The following PDE12 variants were observed in gnomAD, a reference collection of about 807,000 sequenced individuals.
The protein encoded by PDE12 is 2',5'-phosphodiesterase 12.
Under a neutral mutation model 45.4 loss-of-function variants are expected in PDE12, and 26 were observed. The observed-to-expected ratio is 0.57, with a 90% CI of 0.42 to 0.79. The LOEUF is 0.79. PDE12 is among the 30% of genes least tolerant of loss of function. PDE12 has a pLI of 0.00. For synonymous variants in PDE12, 283 were observed against 323.9 expected (o/e 0.87, Z 1.36); for missense variants, 668 against 790.0 (o/e 0.85, Z 1.85).
the PDE12 span, among the ~76,000 whole-genome samples, chr3:57,639,899 G>C: frequency 6.6e-6 from 1 of 152,060 alleles, no homozygotes; most frequent in Non-Finnish European, 1.5e-5. Context: ...GTATATACCA[G>C]AAGGAATATC....
At chr3:57,605,316 G>C in the PDE12 span, among the ~76,000 whole-genome samples, 2 of 152,146 alleles carry the variant, frequency 1.3e-5, no homozygotes, top group African/African-American at 4.8e-5. Context: ...ATTCAGCAGA[G>C]TAATTATTAG....
Position 57,565,470 on chromosome 3 carries a change from G to A in PDE12, c.*5466G>A, listed in dbSNP as rs2069777696. 6.6e-6 allele frequency: 1 copy of A among 152,086 alleles called. No individual in the cohort carries two copies. Among genetic ancestry groups the A allele is most frequent in the Admixed American group, 6.6e-5 (1 of 15,264 alleles). The allele number at this position is 152,086 out of a possible 1,614,324, so 9.4% of individuals were successfully genotyped here. On this transcript the variant is annotated 3_prime_UTR_variant, in exon 3 of 3. Coordinates refer to ENST00000311180, the MANE Select transcript of PDE12 (RefSeq NM_177966.7). The stretch of plus-strand genomic sequence containing the variant: ...CATTTGTGTTACGAACATTCCAATT[G>A]TACTCTCTCAGTTATTCTAAAATGT...
chr3:57,624,723 C>G, the PDE12 span, among the ~76,000 whole-genome samples: 1 of 151,106 alleles, frequency 6.6e-6, no homozygotes, highest in Middle Eastern at 3.4e-3. Flanking sequence ...GAGATCACAC[C>G]ACTGCACTCC....
At chr3:57,642,527 A>G in the PDE12 span, among the ~76,000 whole-genome samples, 14 of 152,134 alleles carry the variant, frequency 9.2e-5, no homozygotes, top group Admixed American at 8.5e-4. Flanking sequence ...CTGTAGAACT[A>G]CACAGAGTTT....
At chr3:57,594,566 T>A in the PDE12 span, among the ~76,000 whole-genome samples, 13 of 152,262 alleles carry the variant, frequency 8.5e-5, no homozygotes, top group African/African-American at 3.1e-4. Flanking sequence ...CTTTTAAAGT[T>A]ACTTGAACTT....
At chr3:57,630,325 A>G in the PDE12 span, 6 of 1,117,828 alleles carry the variant, frequency 5.4e-6, no homozygotes, top group Non-Finnish European at 6.2e-6. Context: ...TACTATTTAT[A>G]AAGAGTGGAT....
At chr3:57,620,258 C>A in the PDE12 span, among the ~76,000 whole-genome samples, 1 of 151,480 alleles carries the variant, frequency 6.6e-6, no homozygotes, top group South Asian at 2.1e-4. Context: ...CTTTTAAGAT[C>A]AGAAACAAAG....
At chr3:57,607,339 C>T in the PDE12 span, among the ~76,000 whole-genome samples, 3 of 152,098 alleles carry the variant, frequency 2.0e-5, no homozygotes, top group Non-Finnish European at 4.4e-5. Context: ...AGCGCGTCTC[C>T]CCCTCCGAAG....
At chr3:57,628,247 C>T in the PDE12 span, 2 of 1,613,812 alleles carry the variant, frequency 1.2e-6, no homozygotes, top group Non-Finnish European at 1.7e-6. Context: ...GTATGCCTTG[C>T]AAGTCCTCTG....
the PDE12 span, among the ~76,000 whole-genome samples, chr3:57,653,389 GT>G: frequency 6.6e-6 from 1 of 152,082 alleles, no homozygotes; most frequent in African/African-American, 2.4e-5. Flanking sequence ...TATCAAAGTT[GT>G]TTTTTTGGGT....
the PDE12 span, among the ~76,000 whole-genome samples, chr3:57,652,064 T>A: frequency 6.6e-6 from 1 of 151,978 alleles, no homozygotes; most frequent in South Asian, 2.1e-4. Flanking sequence ...TAAAAATAAA[T>A]AAATAAATAA....
chr3:57,635,535 TA>T, the PDE12 span, among the ~76,000 whole-genome samples: 1 of 152,144 alleles, frequency 6.6e-6, no homozygotes, highest in Non-Finnish European at 1.5e-5. Context: ...TAAAAGAACC[TA>T]AGAACTGAAA....
At chr3:57,607,331 C>T in the PDE12 span, among the ~76,000 whole-genome samples, 1 of 152,098 alleles carries the variant, frequency 6.6e-6, no homozygotes, top group Non-Finnish European at 1.5e-5. Context: ...AAAATCAGAG[C>T]GCGTCTCCCC....
chr3:57,648,546 C>A, the PDE12 span, among the ~76,000 whole-genome samples: 2 of 152,080 alleles, frequency 1.3e-5, no homozygotes, highest in South Asian at 4.1e-4. Context: ...CAAAAAAGAG[C>A]CTGCATAGCT....
chr3:57,613,115 G>T, the PDE12 span, among the ~76,000 whole-genome samples: 2 of 141,106 alleles, frequency 1.4e-5, no homozygotes, highest in African/African-American at 5.3e-5. Flanking sequence ...CAAGTAGCTG[G>T]GACTACAGGC....
chr3:57,614,829 C>A, the PDE12 span, among the ~76,000 whole-genome samples: 1 of 151,326 alleles, frequency 6.6e-6, no homozygotes, highest in Non-Finnish European at 1.5e-5. Context: ...CCCGTCTCTA[C>A]GAAAAATACA....
At position 57,559,302 on chromosome 3, in the gene PDE12, T is replaced by C. The variant is rs752867935; in HGVS notation, c.1309-8T>C. ...AACTGAACTCTTGGCACTTTCCGTT[T>C]ATTTTAGGTTTCAGTTCTTCAGTCT... On this transcript the variant is annotated splice_region_variant and splice_polypyrimidine_tract_variant and intron_variant, in intron 1 of 2. Transcript: ENST00000311180. The C allele has an allele frequency of 1.3e-6, 2 of 1,594,418 alleles. No homozygotes were observed. Among genetic ancestry groups the C allele is most frequent in the Admixed American group, 3.6e-5 (2 of 56,282 alleles).
chr3:57,582,008 T>C, the PDE12 span, among the ~76,000 whole-genome samples: 2 of 152,170 alleles, frequency 1.3e-5, no homozygotes, highest in African/African-American at 4.8e-5. Flanking sequence ...AAAAACTCCC[T>C]GGAGTATATC....
rs1402447513 is a variant in PDE12 at position 57,565,555 on chromosome 3, C to G, written c.*5551C>G. 1.3e-5 allele frequency: 2 copies of G among 152,154 alleles called. No individual in the cohort carries two copies. The highest frequency in any genetic ancestry group is 2.9e-5 in the Non-Finnish European group (2 of 68,052). 9.4% of individuals were successfully genotyped at this position (152,154 alleles called of 1,614,324 possible). A position where few individuals can be genotyped will look rare whatever the true frequency, so the allele number is the denominator to read the frequency against. Reference sequence around the variant, plus strand: ...GGCGCGGTGGCTCACGCCTGTAATCCCAGCACTCTGGGAGGCTGAGGCCGG... The same window carrying G: ...GGCGCGGTGGCTCACGCCTGTAATCGCAGCACTCTGGGAGGCTGAGGCCGG... On this transcript the variant is annotated 3_prime_UTR_variant, in exon 3 of 3. Coordinates refer to ENST00000311180, the MANE Select transcript of PDE12 (RefSeq NM_177966.7).
Sources: allele counts gnomAD v4.1 joint callset (sites outside exome capture counted in the v4.1 genomes callset), GRCh38; gene constraint gnomAD v4.1.1; transcripts MANE v1.5; gene names NCBI Gene and HGNC (gene_info 2026-07-23, HGNC 2026-07-21).